The following HMGCLL1 variants were observed in gnomAD, a reference collection of about 807,000 sequenced individuals.
The protein encoded by HMGCLL1 is 3-hydroxymethyl-3-methylglutaryl-CoA lyase, cytoplasmic.
HMGCLL1 carries 36 observed loss-of-function variants against 39.1 expected under a neutral mutation model. That is an observed-to-expected ratio of 0.92 (90% CI 0.71 to 1.22). The LOEUF is 1.22. Among genes scored for constraint, HMGCLL1 ranks in the 50% most tolerant of loss-of-function variants. The pLI, the probability that HMGCLL1 is intolerant of heterozygous loss-of-function variation, is 0.00. For missense variants in HMGCLL1, 451 were observed against 416.5 expected, an observed-to-expected ratio of 1.08 and a Z score of -0.72; for synonymous variants, 149 against 144.0, an observed-to-expected ratio of 1.03 and a Z score of -0.25.
At chr6:55,525,023 C>T (rs1768243646) in intron 3 of HMGCLL1, among the ~76,000 whole-genome samples, 1 of 145,728 alleles carries the variant, frequency 6.9e-6, no homozygotes, top group African/African-American at 2.4e-5. Flanking sequence ...AAAAAATGAT[C>T]AAACAGAGTA....
intron 7 of HMGCLL1, among the ~76,000 whole-genome samples, chr6:55,485,161 C>T (rs1006715596): frequency 1.3e-5 from 2 of 152,012 alleles, no homozygotes; most frequent in East Asian, 1.9e-4. Flanking sequence ...ATTGCCTTCC[C>T]GACCACTTAG....
chr6:55,641,744 A>G, the HMGCLL1 span, among the ~76,000 whole-genome samples: 2 of 151,908 alleles, frequency 1.3e-5, no homozygotes, highest in Non-Finnish European at 2.9e-5. Context: ...CGTTTTGTAA[A>G]AGGGAAGAAA....
chr6:55,495,342 A>T, intron 7 of HMGCLL1, 77 bp downstream of exon 7: 1 of 1,103,368 alleles, frequency 9.1e-7, no homozygotes, highest in African/African-American at 1.6e-5. Flanking sequence ...GTAACAATAC[A>T]GCTTTCAGTA....
At chr6:55,489,277 A>G (rs541767617) in intron 7 of HMGCLL1, among the ~76,000 whole-genome samples, 1 of 152,238 alleles carries the variant, frequency 6.6e-6, no homozygotes, top group East Asian at 1.9e-4. Context: ...CATATGTGTT[A>G]AGAAGTATGC....
intron 7 of HMGCLL1, among the ~76,000 whole-genome samples, chr6:55,456,682 T>C (rs181905242): frequency 6.6e-6 from 1 of 152,290 alleles, no homozygotes; most frequent in East Asian, 1.9e-4. Flanking sequence ...GCCCATATTT[T>C]CTTTGTGTCC....
At chr6:55,473,966 T>A (rs1233561187) in intron 7 of HMGCLL1, among the ~76,000 whole-genome samples, 1 of 151,562 alleles carries the variant, frequency 6.6e-6, no homozygotes, top group East Asian at 1.9e-4. Context: ...TGAAGGACAG[T>A]TGAAATGCAA....
the HMGCLL1 span, among the ~76,000 whole-genome samples, chr6:55,595,234 G>A: frequency 3.3e-5 from 5 of 152,092 alleles, no homozygotes; most frequent in East Asian, 3.9e-4. Context: ...GACAACATCC[G>A]AACAAATATA....
the HMGCLL1 span, among the ~76,000 whole-genome samples, chr6:55,669,131 G>T: frequency 5.6e-5 from 8 of 142,092 alleles, no homozygotes; most frequent in Middle Eastern, 3.7e-3. Context: ...AAAAAAAAAA[G>T]AAATGTTTTA....
At chr6:55,579,469 G>C (rs1771932114), upstream of HMGCLL1, among the ~76,000 whole-genome samples, 1 of 152,188 alleles carries the variant, frequency 6.6e-6, no homozygotes, top group South Asian at 2.1e-4. Flanking sequence ...AGGGGCGTGA[G>C]TGTTTATGTT....
At chr6:55,670,243 C>G in the HMGCLL1 span, among the ~76,000 whole-genome samples, 1 of 151,500 alleles carries the variant, frequency 6.6e-6, no homozygotes, top group Non-Finnish European at 1.5e-5. Context: ...AGAATTCTAT[C>G]TCCAAAAAAA....
At position 55,519,001 on chromosome 6, in the gene HMGCLL1, C is replaced by T. The variant is rs116398463; in HGVS notation, c.298-2398G>A. ...GTTGGAAAAGAAAGACGGACGGTTGCGTAAGTGGTAACATATTATTTGGCT... is the reference window on the plus strand; with the variant it reads ...GTTGGAAAAGAAAGACGGACGGTTGTGTAAGTGGTAACATATTATTTGGCT... On this transcript the variant is annotated intron_variant, in intron 3 of 8. Transcript: ENST00000274901. Among the ~76,000 whole-genome samples, 1,119 of 152,164 alleles carry T rather than the reference C, an allele frequency of 7.4e-3. 16 individuals carry two copies. Among genetic ancestry groups the T allele is most frequent in the African/African-American group, 0.025 (1,040 of 41,512 alleles).
the HMGCLL1 span, among the ~76,000 whole-genome samples, chr6:55,653,978 C>T: frequency 7.2e-5 from 11 of 152,012 alleles, no homozygotes; most frequent in African/African-American, 2.7e-4. Flanking sequence ...GATGGAGCAC[C>T]CACGGAGATT....
chr6:55,444,217 G>A (rs1375119844), intron 7 of HMGCLL1, among the ~76,000 whole-genome samples: 1 of 152,008 alleles, frequency 6.6e-6, no homozygotes, highest in African/African-American at 2.4e-5. Context: ...AATTCTTTGG[G>A]TGAGCAATTA....
intron 3 of HMGCLL1, among the ~76,000 whole-genome samples, chr6:55,530,094 A>G (rs1768573979): frequency 6.6e-6 from 1 of 151,988 alleles, no homozygotes; most frequent in Admixed American, 6.6e-5. Context: ...GGTGTGGATG[A>G]CTATATTTGG....
intron 1 of HMGCLL1, among the ~76,000 whole-genome samples, chr6:55,543,158 TATATATATA>T (rs1327197093): frequency 1.8e-4 from 1 of 5,512 alleles, no homozygotes; most frequent in African/African-American, 3.5e-4. Context: ...TTATATATAT[TATATATATA>T]ATATATAATA....
intron 7 of HMGCLL1, among the ~76,000 whole-genome samples, chr6:55,442,327 G>T (rs1763635962): frequency 2.0e-5 from 3 of 152,030 alleles, no homozygotes. Flanking sequence ...ATTCTAACAT[G>T]TATTTATATT....
intron 7 of HMGCLL1, among the ~76,000 whole-genome samples, chr6:55,442,948 A>G (rs974138337): frequency 6.6e-6 from 1 of 152,128 alleles, no homozygotes; most frequent in Non-Finnish European, 1.5e-5. Context: ...ATAGGTTAAA[A>G]CTGATCTATT....
intron 1 of HMGCLL1, among the ~76,000 whole-genome samples, chr6:55,576,683 A>T (rs534214992): frequency 6.6e-6 from 1 of 152,320 alleles, no homozygotes; most frequent in Admixed American, 6.5e-5. Context: ...GGAAAAATAG[A>T]TTTGAAAGAA....
intron 1 of HMGCLL1, among the ~76,000 whole-genome samples, chr6:55,565,471 C>A (rs891000019): frequency 2.0e-5 from 3 of 151,884 alleles, no homozygotes; most frequent in African/African-American, 7.3e-5. Context: ...TTTCATTTGT[C>A]CCATGTGATG....
Sources: allele counts gnomAD v4.1 joint callset (sites outside exome capture counted in the v4.1 genomes callset), GRCh38; gene constraint gnomAD v4.1.1; transcripts MANE v1.5; gene names NCBI Gene and HGNC (gene_info 2026-07-23, HGNC 2026-07-21).